Variants in ZFPM1 observed in about 807,000 individuals in gnomAD.
ZFPM1 encodes the protein zinc finger protein, FOG family member 1, also known as zinc finger protein ZFPM1.
ZFPM1 carries 28 observed loss-of-function variants against 46.3 expected under a neutral mutation model. The observed-to-expected ratio is 0.60, with a 90% CI of 0.45 to 0.83. ZFPM1 has a LOEUF of 0.83. ZFPM1 is among the 40% of genes least tolerant of loss of function. The pLI is 0.00. For missense variants in ZFPM1, 1,878 were observed against 1,432.4 expected, an observed-to-expected ratio of 1.31 and a Z score of -5.02; for synonymous variants, 957 against 675.9, an observed-to-expected ratio of 1.42 and a Z score of -6.45.
chr16:88,478,415 G>A lies in ZFPM1; in HGVS notation c.41-7524G>A, dbSNP rs762992154. On this transcript the variant is annotated intron_variant, in intron 1 of 9. Transcript: ENST00000319555. ...CCCGCCTGGGCCTCTCATAGCCCCC[G>A]AGGGCCTCTTCATTCTTCATCTCCA... Among the ~76,000 whole-genome samples, 18 of 152,366 alleles carry A rather than the reference G, an allele frequency of 1.2e-4. 1 individual carries two copies. The highest frequency in any genetic ancestry group is 1.9e-4 in the Non-Finnish European group (13 of 68,034).
In ZFPM1 at chr16:88,536,113, G is replaced by A. The variant is rs1159962733; in HGVS notation, c.*1134G>A. ...TGGGGCTACAGGTGTACACCACCATGCCCAGCTAGTTTTTGTGTTTTTTGT... is the reference window on the plus strand; with the variant it reads ...TGGGGCTACAGGTGTACACCACCATACCCAGCTAGTTTTTGTGTTTTTTGT... On this transcript the variant is annotated 3_prime_UTR_variant, in exon 10 of 10. Coordinates refer to ENST00000319555, the MANE Select transcript of ZFPM1 (RefSeq NM_153813.3). 6.6e-6 allele frequency: 1 copy of A among 152,020 alleles called. No individual in the cohort carries two copies. The allele number at this position is 152,020 out of a possible 1,614,324, so 9.4% of individuals were successfully genotyped here.
intron 3 of ZFPM1, among the ~76,000 whole-genome samples, chr16:88,490,943 TCTC>T (rs770555524): frequency 2.2e-4 from 33 of 151,970 alleles, no homozygotes; most frequent in Non-Finnish European, 3.7e-4. Context: ...CTGCGTCCCT[TCTC>T]CTCAGGGACA....
chr16:88,460,430 C>T (rs569606968), intron 1 of ZFPM1, among the ~76,000 whole-genome samples: 6 of 152,296 alleles, frequency 3.9e-5, no homozygotes, highest in South Asian at 4.1e-4. Flanking sequence ...CTCCCTGCCT[C>T]GGTTGGTTCA....
In ZFPM1 at chr16:88,496,269, G is replaced by T. The variant is rs1366108601; in HGVS notation, c.268+7116G>T. On this transcript the variant is annotated intron_variant, in intron 3 of 9. Coordinates refer to ENST00000319555, the MANE Select transcript of ZFPM1 (RefSeq NM_153813.3). The stretch of plus-strand genomic sequence containing the variant: ...GAGGCCCAGGATGTGACAGCGGCGG[G>T]GCTGGCTTTATCCTGAGAGCACAGG... Among the ~76,000 whole-genome samples the T allele has an allele frequency of 3.3e-5, 5 of 152,160 alleles. No individual in the cohort carries two copies. In the East Asian group the frequency reaches 9.7e-4, roughly 29 times the overall value.
chr16:88,473,208 A>G (rs115953875), intron 1 of ZFPM1, among the ~76,000 whole-genome samples: 1,644 of 152,360 alleles, frequency 0.011, 25 homozygotes, highest in African/African-American at 0.037. Flanking sequence ...TAGGGTCCCC[A>G]GGTCTGGGGT....
At chr16:88,463,526 G>C (rs984073453) in intron 1 of ZFPM1, among the ~76,000 whole-genome samples, 1 of 152,246 alleles carries the variant, frequency 6.6e-6, no homozygotes, top group Non-Finnish European at 1.5e-5. Flanking sequence ...AGGCCACCGT[G>C]CCCAGGATTT....
At chr16:88,462,007 T>C (rs1250157311) in intron 1 of ZFPM1, among the ~76,000 whole-genome samples, 1 of 152,200 alleles carries the variant, frequency 6.6e-6, no homozygotes, top group African/African-American at 2.4e-5. Flanking sequence ...CCCTACTGCA[T>C]CGGCCGGCGG....
At chr16:88,465,970 G>A (rs911082345) in intron 1 of ZFPM1, among the ~76,000 whole-genome samples, 17 of 152,322 alleles carry the variant, frequency 1.1e-4, no homozygotes, top group African/African-American at 3.4e-4. Flanking sequence ...GCCGTGCACG[G>A]GGGAAACCAA....
intron 5 of ZFPM1, among the ~76,000 whole-genome samples, chr16:88,527,130 A>G (rs1912401111): frequency 6.6e-6 from 1 of 152,086 alleles, no homozygotes; most frequent in African/African-American, 2.4e-5. Flanking sequence ...CCCGACTGGC[A>G]GGCTGAGCCA....
At chr16:88,499,938 C>G (rs1391355914) in intron 3 of ZFPM1, among the ~76,000 whole-genome samples, 4 of 152,232 alleles carry the variant, frequency 2.6e-5, no homozygotes, top group African/African-American at 7.2e-5. Context: ...AGGAGCGCAG[C>G]CGGAGCCCTG....
Position 88,534,468 on chromosome 16 carries a change from A to G in ZFPM1, c.2510A>G (p.Lys837Arg). The G allele has an allele frequency of 3.4e-6, 5 of 1,492,536 alleles. No individual in the cohort carries two copies. Among genetic ancestry groups the G allele is most frequent in the Non-Finnish European group, 4.4e-6 (5 of 1,128,110 alleles). The allele number at this position is 1,492,536 out of a possible 1,614,324, so 92.5% of individuals were successfully genotyped here. A position where few individuals can be genotyped will look rare whatever the true frequency, so the allele number is the denominator to read the frequency against. The change falls in exon 10 of 10, where the codon AAG becomes AGG. Residue 837 changes from lysine (K) to arginine (R), a missense_variant. Transcript: ENST00000319555. ...CTCGAGGCCTACCTGGCGCACAAGA[A>G]GTACTCGTGCCCCGCTGCGCCACCG... ...HSLEAYLAHK[K>R]YSCPAAPPPG...
At chr16:88,465,132 A>G (rs935257125) in intron 1 of ZFPM1, among the ~76,000 whole-genome samples, 1 of 152,194 alleles carries the variant, frequency 6.6e-6, no homozygotes, top group Non-Finnish European at 1.5e-5. Flanking sequence ...CATGAACCAC[A>G]GAGCATCCGG....
chr16:88,505,467 G>C (rs1012130452), intron 3 of ZFPM1, among the ~76,000 whole-genome samples: 3 of 152,216 alleles, frequency 2.0e-5, no homozygotes, highest in Non-Finnish European at 2.9e-5. Flanking sequence ...CCAGCAGGAA[G>C]ACAGAGTTAA....
rs139710044 is a variant in ZFPM1, at chr16:88,496,451, G to T, written c.268+7298G>T. Among the ~76,000 whole-genome samples, 149 of 152,182 alleles carry T rather than the reference G, an allele frequency of 9.8e-4. 1 individual carries two copies. Among genetic ancestry groups the T allele is most frequent in the African/African-American group, 3.4e-3 (143 of 41,524 alleles). ...TTCCCGGGCAAGCAATCCTCATGAA[G>T]CCCAGACCCCGCCCCACCCCCACTG... On this transcript the variant is annotated intron_variant, in intron 3 of 9. Transcript: ENST00000319555.
chr16:88,497,723 A>G lies in ZFPM1; in HGVS notation c.268+8570A>G, dbSNP rs968460. 0.18 allele frequency among the ~76,000 whole-genome samples: 27,796 copies of G among 152,008 alleles called. 2,835 individuals are homozygous for G. Among genetic ancestry groups the G allele is most frequent in the East Asian group, 0.29 (1,472 of 5,142 alleles). ...GTGAGGCGGGAGGAGGGCTCTGTCCACTATTTCCTGCCTGAGGCCCACGAA... is the reference window on the plus strand; with the variant it reads ...GTGAGGCGGGAGGAGGGCTCTGTCCGCTATTTCCTGCCTGAGGCCCACGAA... On this transcript the variant is annotated intron_variant, in intron 3 of 9. Coordinates refer to ENST00000319555, the MANE Select transcript of ZFPM1 (RefSeq NM_153813.3). The surrounding 1 kb of genome is among the most constrained non-coding windows in gnomAD (Gnocchi z 5.4).
At position 88,461,125 on chromosome 16, in the gene ZFPM1, AT is replaced by A. The variant is rs1567525705; in HGVS notation, c.40+7448del. Among the ~76,000 whole-genome samples the A allele has an allele frequency of 4.1e-4, 18 of 43,642 alleles. 1 individual carries two copies. Among genetic ancestry groups the A allele is most frequent in the South Asian group, 1.8e-3 (2 of 1,098 alleles). 28.6% of individuals were successfully genotyped at this position (43,642 alleles called of 152,430 possible). A position where few individuals can be genotyped will look rare whatever the true frequency, so the allele number is the denominator to read the frequency against. On this transcript the variant is annotated intron_variant, in intron 1 of 9. Transcript: ENST00000319555. ...AGGAGGCCCTGGTGAGGACCCAGGG[AT>A]GGGGCGGGAGACCTGGTGAGGACCG...
At position 88,533,917 on chromosome 16, in the gene ZFPM1, G is replaced by C. The variant is rs1913029294; in HGVS notation, c.1959G>C (p.Thr653=). 1 of 1,167,148 alleles carries C rather than the reference G, an allele frequency of 8.6e-7. No homozygotes were observed. Among genetic ancestry groups the C allele is most frequent in the African/African-American group, 1.7e-5 (1 of 58,838 alleles). The allele number at this position is 1,167,148 out of a possible 1,614,324, so 72.3% of individuals were successfully genotyped here. A position where few individuals can be genotyped will look rare whatever the true frequency, so the allele number is the denominator to read the frequency against. The change falls in exon 10 of 10, where the codon ACG becomes ACC. Residue 653 remains threonine, a synonymous_variant. Transcript: ENST00000319555. ...AREEGAGGAA[T]PEDGAGGRGS... ...AGGAGGGGGCTGGGGGCGCGGCCAC[G>C]CCCGAGGACGGCGCGGGCGGCCGGG...
intron 3 of ZFPM1, among the ~76,000 whole-genome samples, chr16:88,510,919 C>T (rs967193430): frequency 2.6e-5 from 4 of 152,304 alleles, no homozygotes; most frequent in South Asian, 4.1e-4. Context: ...GGCTGAGGCT[C>T]GGTCCGTGGG....
At chr16:88,493,733 C>T (rs1909764759) in intron 3 of ZFPM1, among the ~76,000 whole-genome samples, 1 of 152,078 alleles carries the variant, frequency 6.6e-6, no homozygotes, top group Non-Finnish European at 1.5e-5. Flanking sequence ...CCATGATCTC[C>T]TGGCCCTGTT....
Sources: allele counts gnomAD v4.1 joint callset (sites outside exome capture counted in the v4.1 genomes callset), GRCh38; gene constraint gnomAD v4.1.1; non-coding constraint Gnocchi (gnomAD v3.1); transcripts MANE v1.5; gene names NCBI Gene and HGNC (gene_info 2026-07-23, HGNC 2026-07-21).